The following GRID2 variants were observed in gnomAD, a reference collection of about 807,000 sequenced individuals.
The protein encoded by GRID2 is glutamate ionotropic receptor delta type subunit 2.
A neutral mutation model predicts 114.8 loss-of-function variants in GRID2; 33 were observed. The ratio of observed to expected loss-of-function variants is 0.29; its 90% CI spans 0.22 to 0.38. The LOEUF (loss-of-function observed/expected upper bound fraction) is 0.38, where lower values mean the gene tolerates loss of function less well. Among genes scored for constraint, GRID2 ranks in the 10% least tolerant of loss-of-function variants. GRID2 has a pLI of 1.00. For synonymous variants in GRID2, 505 were observed against 449.9 expected (o/e 1.12, Z -1.55); for missense variants, 1,184 against 1,257.7 (o/e 0.94, Z 0.89).
At chr4:92,445,721 C>T (rs1438628788) in intron 1 of GRID2, among the ~76,000 whole-genome samples, 1 of 152,088 alleles carries the variant, frequency 6.6e-6, no homozygotes, top group Non-Finnish European at 1.5e-5. Context: ...TGGTGTGGTT[C>T]CCCAAATAAC....
intron 10 of GRID2, among the ~76,000 whole-genome samples, chr4:93,444,594 G>A (rs2149396366): frequency 6.6e-6 from 1 of 151,946 alleles, no homozygotes; most frequent in South Asian, 2.1e-4. Flanking sequence ...TAAGAAAAAG[G>A]AAACATTCAA....
chr4:92,775,489 C>G (rs1271440150), intron 2 of GRID2, among the ~76,000 whole-genome samples: 2 of 152,166 alleles, frequency 1.3e-5, no homozygotes, highest in Non-Finnish European at 2.9e-5. Context: ...CTAGAGCAGA[C>G]TTGCTGATAT....
chr4:92,324,053 C>T (rs1560567748), intron 1 of GRID2, among the ~76,000 whole-genome samples: 1 of 151,996 alleles, frequency 6.6e-6, no homozygotes. Context: ...CTGTGCTCTA[C>T]TATATTGTAT....
chr4:92,451,921 C>A (rs892512613), intron 1 of GRID2, among the ~76,000 whole-genome samples: 7 of 152,164 alleles, frequency 4.6e-5, no homozygotes, highest in Non-Finnish European at 8.8e-5. Flanking sequence ...AGCACTAAAA[C>A]AAATCCAGGA....
chr4:92,393,087 C>T (rs1172571742), intron 1 of GRID2, among the ~76,000 whole-genome samples: 1 of 152,086 alleles, frequency 6.6e-6, no homozygotes, highest in African/African-American at 2.4e-5. Context: ...GGGCACTTCA[C>T]ATGGTGAAAG....
chr4:92,756,577 T>C (rs1737730609), intron 2 of GRID2, among the ~76,000 whole-genome samples: 1 of 152,176 alleles, frequency 6.6e-6, no homozygotes, highest in African/African-American at 2.4e-5. Context: ...TGTATAACAA[T>C]TCCCTTTTCT....
intron 1 of GRID2, among the ~76,000 whole-genome samples, chr4:92,384,682 A>C (rs1303381161): frequency 3.5e-5 from 4 of 113,844 alleles, no homozygotes; most frequent in African/African-American, 1.4e-4. Context: ...TATTATATAT[A>C]TATAATATAT....
At chr4:92,587,993 C>T (rs74439047) in intron 1 of GRID2, among the ~76,000 whole-genome samples, 3,487 of 152,192 alleles carry the variant, frequency 0.023, 114 homozygotes, top group African/African-American at 0.071. Context: ...TGCGAATAGA[C>T]ATTTAGATTA....
chr4:92,865,736 T>A (rs1744812619), intron 2 of GRID2, among the ~76,000 whole-genome samples: 1 of 152,222 alleles, frequency 6.6e-6, no homozygotes, highest in African/African-American at 2.4e-5. Flanking sequence ...AATGAATATT[T>A]GTGCCACTGA....
At chr4:92,940,065 A>T (rs1364521429) in intron 2 of GRID2, among the ~76,000 whole-genome samples, 1 of 147,036 alleles carries the variant, frequency 6.8e-6, no homozygotes, top group African/African-American at 2.4e-5. Flanking sequence ...TTTTGGTTCC[A>T]TATGAAATTT....
chr4:93,371,332 G>A (rs143515899), intron 8 of GRID2, among the ~76,000 whole-genome samples: 11 of 151,962 alleles, frequency 7.2e-5, no homozygotes, highest in African/African-American at 2.4e-4. Context: ...AACTGCCCAT[G>A]TTTAGCCATT....
intron 13 of GRID2, among the ~76,000 whole-genome samples, chr4:93,599,147 G>C (rs751575737): frequency 1.1e-4 from 17 of 152,200 alleles, no homozygotes; most frequent in Admixed American, 2.6e-4. Context: ...CGAATAGAGT[G>C]CTGGTGCACA....
At position 93,710,666 on chromosome 4, in the gene GRID2, A is replaced by G. The variant is rs567641447; in HGVS notation, c.2361-58544A>G. 2.0e-4 allele frequency among the ~76,000 whole-genome samples: 31 copies of G among 152,190 alleles called. No individual in the cohort carries two copies. In the South Asian group the frequency reaches 6.2e-3, roughly 31 times the overall value. Reference sequence around the variant, plus strand: ...CCAGGCTTGTATCTTTTCCTTCAGGACAGCAAATTCCTTTCTGGCCCAGGG... The same window carrying G: ...CCAGGCTTGTATCTTTTCCTTCAGGGCAGCAAATTCCTTTCTGGCCCAGGG... On this transcript the variant is annotated intron_variant, in intron 14 of 15. Coordinates refer to ENST00000282020, the MANE Select transcript of GRID2 (RefSeq NM_001510.4).
intron 11 of GRID2, among the ~76,000 whole-genome samples, chr4:93,483,576 T>A (rs1452803807): frequency 5.3e-5 from 8 of 151,980 alleles, no homozygotes; most frequent in Non-Finnish European, 1.0e-4. Context: ...AGACTTAGAA[T>A]AACAAATTTT....
intron 2 of GRID2, among the ~76,000 whole-genome samples, chr4:92,619,107 T>C (rs981586113): frequency 6.6e-6 from 1 of 151,716 alleles, no homozygotes; most frequent in African/African-American, 2.4e-5. Flanking sequence ...CACTATAGCT[T>C]AATGGTCAGC....
At chr4:92,688,913 A>G (rs1012911580) in intron 2 of GRID2, among the ~76,000 whole-genome samples, 4 of 152,224 alleles carry the variant, frequency 2.6e-5, no homozygotes, top group African/African-American at 7.2e-5. Flanking sequence ...TATTTATTAC[A>G]TAATAAGACT....
intron 2 of GRID2, among the ~76,000 whole-genome samples, chr4:92,795,732 T>A (rs573800313): frequency 2.0e-4 from 30 of 152,162 alleles, no homozygotes; most frequent in South Asian, 1.9e-3. Flanking sequence ...TGTCAGATTG[T>A]CTATTGTTAA....
At position 92,870,267 on chromosome 4, in the gene GRID2, G is replaced by GACAC. The variant is rs370794678; in HGVS notation, c.245-214705_245-214702dup. ...TATAATATATTAAGTACATTATACG[G>GACAC]ACACACACACACACACACACACACA... is the stretch of plus-strand genomic sequence containing the variant. On this transcript the variant is annotated intron_variant, in intron 2 of 15. Transcript: ENST00000282020. Among the ~76,000 whole-genome samples, 704 of 144,550 alleles carry GACAC rather than the reference G, an allele frequency of 4.9e-3. 5 individuals carry two copies. Among genetic ancestry groups the GACAC allele is most frequent in the African/African-American group, 0.015 (595 of 39,726 alleles). 94.8% of individuals were successfully genotyped at this position (144,550 alleles called of 152,430 possible).
intron 14 of GRID2, among the ~76,000 whole-genome samples, chr4:93,745,361 G>A (rs1325711857): frequency 6.6e-6 from 1 of 152,116 alleles, no homozygotes; most frequent in African/African-American, 2.4e-5. Flanking sequence ...GAAAAATGTT[G>A]CCTTCTATTT....
Sources: gnomAD v4.1 joint callset for allele counts (sites outside exome capture counted in the v4.1 genomes callset) on GRCh38, gnomAD v4.1.1 for gene constraint, MANE v1.5 for transcripts, NCBI Gene and HGNC (gene_info 2026-07-23, HGNC 2026-07-21) for gene names.